NRG4: variants seen among roughly 807,000 people sequenced by gnomAD.
NRG4 encodes the protein neuregulin 4, also known as pro-neuregulin-4, membrane-bound isoform.
A neutral mutation model predicts 15.0 loss-of-function variants in NRG4; 10 were observed. The ratio of observed to expected loss-of-function variants is 0.67; its 90% confidence interval spans 0.41 to 1.13. NRG4 has a LOEUF of 1.13. NRG4 is among the 50% of genes most tolerant of loss of function. The probability of loss-of-function intolerance (pLI) is 0.00; values close to 1 mark genes in which losing one functional copy is unlikely to be tolerated. For synonymous variants in NRG4, 41 were observed against 50.1 expected, an observed-to-expected ratio of 0.82 and a Z score of 0.77; for missense variants, 139 against 140.2, an observed-to-expected ratio of 0.99 and a Z score of 0.04.
intron 3 of NRG4, among the ~76,000 whole-genome samples, chr15:76,006,749 G>C (rs1274592151): frequency 6.6e-6 from 1 of 152,120 alleles, no homozygotes. Flanking sequence ...AGCAAACTTG[G>C]CCATTCTCTA....
chr15:76,050,563 T>A (rs2141964455), intron 4 of NRG4, among the ~76,000 whole-genome samples: 1 of 145,892 alleles, frequency 6.9e-6, no homozygotes. Context: ...CCCAAGTAGC[T>A]GGGATTACAG....
At chr15:76,050,045 CTA>C (rs1356340310) in intron 4 of NRG4, among the ~76,000 whole-genome samples, 1 of 151,070 alleles carries the variant, frequency 6.6e-6, no homozygotes, top group African/African-American at 2.5e-5. Flanking sequence ...CCTAAAATAA[CTA>C]TCATTCTCCA....
intron 3 of NRG4, among the ~76,000 whole-genome samples, chr15:75,984,963 G>C (rs1324220058): frequency 6.6e-6 from 1 of 152,068 alleles, no homozygotes; most frequent in Non-Finnish European, 1.5e-5. Context: ...TTGTGCTTCA[G>C]CCTCCCATGT....
At chr15:76,050,691 G>A (rs1006510625) in intron 4 of NRG4, among the ~76,000 whole-genome samples, 6 of 141,498 alleles carry the variant, frequency 4.2e-5, no homozygotes, top group Non-Finnish European at 7.6e-5. Context: ...TGATCTGCCC[G>A]CCTTGGCCTC....
intron 4 of NRG4, among the ~76,000 whole-genome samples, chr15:76,040,735 GC>G (rs1470850074): frequency 6.6e-6 from 1 of 152,152 alleles, no homozygotes; most frequent in Admixed American, 6.6e-5. Context: ...GACCAGCCTG[GC>G]CAACATGGTG....
At chr15:75,968,607 G>GTCTAGTGCTGGGTGCAGTGGCAT (rs2032941782) in intron 3 of NRG4, among the ~76,000 whole-genome samples, 2 of 119,334 alleles carry the variant, frequency 1.7e-5, no homozygotes, top group African/African-American at 6.1e-5. Context: ...AAAAAAAAAA[G>GTCTAGTGCTGGGTGCAGTGGCAT]TCTAGTGCTG....
intron 3 of NRG4, among the ~76,000 whole-genome samples, chr15:75,994,948 A>G (rs2034155284): frequency 6.6e-6 from 1 of 152,050 alleles, no homozygotes; most frequent in Admixed American, 6.6e-5. Context: ...CCAAGGGAGG[A>G]GGATTGCTTG....
At chr15:76,059,307 T>C in intron 1 of NRG4, among the ~76,000 whole-genome samples, 1 of 152,230 alleles carries the variant, frequency 6.6e-6, no homozygotes, top group East Asian at 1.9e-4. Context: ...CTGACCGTGC[T>C]ATGACTCCGG....
chr15:75,952,774 A>T (rs1239445483), intron 5 of NRG4, among the ~76,000 whole-genome samples: 1 of 152,068 alleles, frequency 6.6e-6, no homozygotes, highest in Non-Finnish European at 1.5e-5. Context: ...TTGTCTTTTC[A>T]TGAGATTACT....
Position 76,040,323 on chromosome 15 carries a change from C to G in NRG4, c.-104-4332G>C, listed in dbSNP as rs191082849. On this transcript the variant is annotated intron_variant, in intron 4 of 8. Transcript: ENST00000563910. ...CCCTAGAATAGTATAATGTATCCAG[C>G]AAAAATATCCTTCAAACATGAAGGA... 1.9e-3 allele frequency among the ~76,000 whole-genome samples: 288 copies of G among 152,142 alleles called. 1 individual carries two copies. The highest frequency in any genetic ancestry group is 6.9e-3 in the African/African-American group (286 of 41,496).
intron 3 of NRG4, among the ~76,000 whole-genome samples, chr15:75,971,745 T>G (rs923237667): frequency 1.3e-5 from 2 of 152,126 alleles, no homozygotes; most frequent in Admixed American, 6.6e-5. Context: ...AAACTCAAAT[T>G]CTTCTCACCA....
At chr15:76,054,378 A>G (rs931454333) in intron 2 of NRG4, among the ~76,000 whole-genome samples, 6 of 151,940 alleles carry the variant, frequency 3.9e-5, no homozygotes, top group Non-Finnish European at 8.8e-5. Flanking sequence ...GGTATGAGTC[A>G]CTGCACCCAG....
chr15:75,984,149 A>G (rs1178934160), intron 3 of NRG4, among the ~76,000 whole-genome samples: 1 of 152,204 alleles, frequency 6.6e-6, no homozygotes, highest in East Asian at 1.9e-4. Flanking sequence ...ACAGACCCAT[A>G]GAATGTACAA....
rs2031215196 is a variant in NRG4, at chr15:75,943,597, TG to T, written c.*40del. ...CTAGTGGTGTTTCATTTTCTGCCTT[TG>T]TAAAATAAAAACAATGATTTGGTTC... On this transcript the variant is annotated 3_prime_UTR_variant, in exon 6 of 6. Transcript: ENST00000394907. 1 of 1,374,260 alleles carries T rather than the reference TG, an allele frequency of 7.3e-7. No homozygotes were observed. The highest frequency in any genetic ancestry group is 1.0e-6 in the Non-Finnish European group (1 of 967,526). 85.1% of individuals were successfully genotyped at this position (1,374,260 alleles called of 1,614,324 possible). A position where few individuals can be genotyped will look rare whatever the true frequency, so the allele number is the denominator to read the frequency against.
chr15:75,938,166 C>A (rs1396700672), downstream of NRG4: 1 of 152,050 alleles, frequency 6.6e-6, no homozygotes, highest in Non-Finnish European at 1.5e-5. Flanking sequence ...GAATTTATGT[C>A]AAAATAGCTG....
rs1439808128 is a variant in NRG4, at chr15:75,943,656, T to C, written c.332-2A>G. 1.9e-6 allele frequency: 3 copies of C among 1,565,914 alleles called. No individual in the cohort carries two copies. Among genetic ancestry groups the C allele is most frequent in the Non-Finnish European group, 2.6e-6 (3 of 1,138,434 alleles). Reference sequence around the variant, plus strand: ...CGTTTCTTCAGTGTTGTTCATGACCTGTGAAAAATAAGTAAGAATTAAGAT... The same window carrying C: ...CGTTTCTTCAGTGTTGTTCATGACCCGTGAAAAATAAGTAAGAATTAAGAT... On this transcript the variant is annotated splice_acceptor_variant, in intron 5 of 5. Coordinates refer to ENST00000394907, the MANE Select transcript of NRG4 (RefSeq NM_138573.4). LOFTEE classifies it high-confidence loss of function.
At chr15:76,028,503 T>A (rs568016585) in intron 5 of NRG4, among the ~76,000 whole-genome samples, 29 of 151,816 alleles carry the variant, frequency 1.9e-4, no homozygotes, top group Admixed American at 1.2e-3. Context: ...TAAAACAGTC[T>A]CCTGACAGAA....
chr15:75,995,980 T>C (rs1255619091), intron 3 of NRG4, among the ~76,000 whole-genome samples: 2 of 152,240 alleles, frequency 1.3e-5, no homozygotes, highest in African/African-American at 2.4e-5. Flanking sequence ...TAGACTTTCA[T>C]ATTATATAAT....
intron 3 of NRG4, among the ~76,000 whole-genome samples, chr15:75,985,343 G>A (rs922243452): frequency 3.9e-5 from 6 of 152,208 alleles, no homozygotes. Flanking sequence ...GCTTCGAAGA[G>A]TTCCCTCCTA....
Sources: allele counts gnomAD v4.1 joint callset (sites outside exome capture counted in the v4.1 genomes callset), GRCh38; gene constraint gnomAD v4.1.1; transcripts MANE v1.5; gene names NCBI Gene and HGNC (gene_info 2026-07-23, HGNC 2026-07-21).